The following MAP2K6 variants were observed in gnomAD, a reference collection of about 807,000 sequenced individuals.
MAP2K6 encodes dual specificity mitogen-activated protein kinase kinase 6.
A neutral mutation model predicts 53.7 loss-of-function variants in MAP2K6; 16 were observed. The observed-to-expected ratio is 0.30, with a 90% CI of 0.20 to 0.45. The LOEUF (loss-of-function observed/expected upper bound fraction) is 0.45, where lower values mean the gene tolerates loss of function less well. Ranked by LOEUF, MAP2K6 falls within the 20% of genes least tolerant of loss-of-function variation. The probability of loss-of-function intolerance (pLI) is 1.00; values close to 1 mark genes in which losing one functional copy is unlikely to be tolerated. For synonymous variants in MAP2K6, 132 were observed against 143.1 expected (o/e 0.92, Z 0.55); for missense variants, 204 against 411.9 (o/e 0.50, Z 4.37).
At chr17:69,430,118 G>A (rs905875728) in intron 1 of MAP2K6, among the ~76,000 whole-genome samples, 2 of 152,164 alleles carry the variant, frequency 1.3e-5, no homozygotes, top group Non-Finnish European at 2.9e-5. Flanking sequence ...CTTGAGGTCA[G>A]GAGTTCGAGA....
rs147761527 is a variant in MAP2K6, at chr17:69,427,128, C to T, written c.16+12128C>T. 2.8e-3 allele frequency among the ~76,000 whole-genome samples: 419 copies of T among 152,314 alleles called. 1 individual carries two copies. Among genetic ancestry groups the T allele is most frequent in the Non-Finnish European group, 4.5e-3 (304 of 68,032 alleles). On this transcript the variant is annotated intron_variant, in intron 1 of 11. Coordinates refer to ENST00000590474, the MANE Select transcript of MAP2K6 (RefSeq NM_002758.4). ...GGGAATATTTTCCAGAGCTTGGCCA[C>T]GGCTGTAATTTTCATTTTTTATAAC...
intron 1 of MAP2K6, among the ~76,000 whole-genome samples, chr17:69,491,224 A>G (rs1001410748): frequency 1.3e-5 from 2 of 151,364 alleles, no homozygotes; most frequent in African/African-American, 4.9e-5. Flanking sequence ...GCTCACTGCA[A>G]CCTCTGTCTC....
chr17:69,466,232 C>T (rs1313776715), intron 1 of MAP2K6, among the ~76,000 whole-genome samples: 2 of 147,940 alleles, frequency 1.4e-5, no homozygotes, highest in Non-Finnish European at 1.5e-5. Context: ...GCGGAGGTTG[C>T]AGTGAGCCAA....
intron 10 of MAP2K6, among the ~76,000 whole-genome samples, chr17:69,535,866 A>G (rs1911328466): frequency 1.4e-5 from 2 of 141,644 alleles, no homozygotes; most frequent in South Asian, 2.4e-4. Flanking sequence ...TCGGTAAAGT[A>G]TCAAAAGGAA....
In MAP2K6 at chr17:69,460,600, C is replaced by G. The variant is rs1159361322; in HGVS notation, c.17-45180C>G. On this transcript the variant is annotated intron_variant, in intron 1 of 11. Coordinates refer to ENST00000590474, the MANE Select transcript of MAP2K6 (RefSeq NM_002758.4). ...CTAGCTAAGACTTGTTAGACCAGGG[C>G]ACAGTATTTTGTTGTTGTTGTTGGG... Among the ~76,000 whole-genome samples, 6 of 152,254 alleles carry G rather than the reference C, an allele frequency of 3.9e-5. No homozygotes were observed. In the East Asian group the frequency reaches 1.2e-3, roughly 29 times the overall value.
At position 69,526,728 on chromosome 17, in the gene MAP2K6, C is replaced by T. The variant is rs1301405656; in HGVS notation, c.881+19C>T. The T allele has an allele frequency of 6.2e-7, 1 of 1,607,768 alleles. No homozygotes were observed. Among genetic ancestry groups the T allele is most frequent in the Admixed American group, 1.7e-5 (1 of 59,084 alleles). ...CACAGTGGTAAGACAGCCTCACCTC[C>T]CAAGTGTCAGTGTGAAAGAAGAAGA... On this transcript the variant is annotated intron_variant, in intron 10 of 11. Coordinates refer to ENST00000590474, the MANE Select transcript of MAP2K6 (RefSeq NM_002758.4).
intron 10 of MAP2K6, among the ~76,000 whole-genome samples, chr17:69,531,630 C>A (rs1911089721): frequency 6.6e-6 from 1 of 152,060 alleles, no homozygotes; most frequent in South Asian, 2.1e-4. Context: ...TAACATCTGA[C>A]AAATGTTATC....
chr17:69,466,850 T>C (rs886645767), intron 1 of MAP2K6, among the ~76,000 whole-genome samples: 1 of 152,200 alleles, frequency 6.6e-6, no homozygotes, highest in African/African-American at 2.4e-5. Flanking sequence ...ATCAGTTAAA[T>C]AGGCTTTTGT....
rs1185828578 is a variant in MAP2K6 at position 69,462,987 on chromosome 17, ACG to A, written c.17-42791_17-42790del. ...TTTTTTTTTGCCTTTCATGGGCAGC[ACG>A]CAGGGTGCTTTCTGGCTGATAAATC... On this transcript the variant is annotated intron_variant, in intron 1 of 11. Coordinates refer to ENST00000590474, the MANE Select transcript of MAP2K6 (RefSeq NM_002758.4). 9.8e-4 allele frequency among the ~76,000 whole-genome samples: 140 copies of A among 143,078 alleles called. 3 individuals are homozygous for A. The highest frequency in any genetic ancestry group is 3.6e-4 in the Non-Finnish European group (24 of 66,714). The allele number at this position is 143,078 out of a possible 152,430, so 93.9% of individuals were successfully genotyped here.
chr17:69,526,560 T>A lies in MAP2K6; in HGVS notation c.742-10T>A. On this transcript the variant is annotated splice_polypyrimidine_tract_variant and intron_variant, in intron 9 of 11. Coordinates refer to ENST00000590474, the MANE Select transcript of MAP2K6 (RefSeq NM_002758.4). ...GAAACTGTTGTCTCCTTTTTTCTTCTTTTCTCCAGATTGAGTTGGCCATCC... is the reference window on the plus strand; with the variant it reads ...GAAACTGTTGTCTCCTTTTTTCTTCATTTCTCCAGATTGAGTTGGCCATCC... The A allele has an allele frequency of 6.2e-7, 1 of 1,612,668 alleles. No individual in the cohort carries two copies. The highest frequency in any genetic ancestry group is 8.5e-7 in the Non-Finnish European group (1 of 1,179,752).
At chr17:69,429,122 T>G (rs1466780604) in intron 1 of MAP2K6, among the ~76,000 whole-genome samples, 1 of 151,936 alleles carries the variant, frequency 6.6e-6, no homozygotes. Flanking sequence ...ATGGTCCTAG[T>G]CCTACTGGGA....
intron 10 of MAP2K6, among the ~76,000 whole-genome samples, chr17:69,527,294 G>C (rs770709237): frequency 6.6e-6 from 1 of 152,202 alleles, no homozygotes; most frequent in Non-Finnish European, 1.5e-5. Context: ...CAGAAGTCTT[G>C]TAGAACCTTG....
intron 1 of MAP2K6, among the ~76,000 whole-genome samples, chr17:69,436,023 A>T (rs977862695): frequency 6.0e-5 from 9 of 149,696 alleles, no homozygotes; most frequent in Non-Finnish European, 1.3e-4. Context: ...TTAAAATAAA[A>T]AAAAAAAAAA....
At chr17:69,512,186 T>G (rs1187905391) in intron 2 of MAP2K6, among the ~76,000 whole-genome samples, 1 of 151,938 alleles carries the variant, frequency 6.6e-6, no homozygotes, top group African/African-American at 2.4e-5. Flanking sequence ...TTATGTACTC[T>G]TAGCCACACA....
chr17:69,468,779 A>G (rs1435960915), intron 1 of MAP2K6, among the ~76,000 whole-genome samples: 2 of 152,238 alleles, frequency 1.3e-5, no homozygotes, highest in East Asian at 3.8e-4. Flanking sequence ...CTAGAGAGAG[A>G]AACTAAAAAC....
chr17:69,532,451 A>AG (rs1312464928), intron 10 of MAP2K6, among the ~76,000 whole-genome samples: 2 of 152,234 alleles, frequency 1.3e-5, no homozygotes, highest in African/African-American at 4.8e-5. Context: ...AAAAGGAATT[A>AG]GGGCAGTTAG....
At chr17:69,540,225 G>T (rs1345939315) in intron 11 of MAP2K6, among the ~76,000 whole-genome samples, 1 of 152,082 alleles carries the variant, frequency 6.6e-6, no homozygotes, top group Admixed American at 6.6e-5. Context: ...CCTACAGCTG[G>T]GCAACATAAA....
At chr17:69,519,559 A>G (rs1910357959) in intron 5 of MAP2K6, 127 bp downstream of exon 5, 1 of 1,119,252 alleles carries the variant, frequency 8.9e-7, no homozygotes, top group Admixed American at 2.2e-5. Flanking sequence ...ACGGGGGTTT[A>G]CGTGTGTGCA....
intron 9 of MAP2K6, among the ~76,000 whole-genome samples, chr17:69,525,993 C>T (rs546664893): frequency 6.6e-6 from 1 of 152,220 alleles, no homozygotes; most frequent in East Asian, 1.9e-4. Flanking sequence ...TGGAATTATC[C>T]ACTGTGGTCC....
Sources: gnomAD v4.1 joint callset for allele counts (sites outside exome capture counted in the v4.1 genomes callset) on GRCh38, gnomAD v4.1.1 for gene constraint, MANE v1.5 for transcripts, NCBI Gene and HGNC (gene_info 2026-07-23, HGNC 2026-07-21) for gene names.